The following RNF220 variants were observed in gnomAD, a reference collection of about 807,000 sequenced individuals.
RNF220 encodes ring finger protein 220.
RNF220 carries 7 observed loss-of-function variants against 67.1 expected under a neutral mutation model. The observed-to-expected ratio is 0.10, with a 90% confidence interval of 0.06 to 0.20. The LOEUF is 0.20. Ranked by LOEUF, RNF220 falls within the 10% of genes least tolerant of loss-of-function variation. RNF220 has a pLI of 1.00. For synonymous variants in RNF220, 270 were observed against 283.2 expected, an observed-to-expected ratio of 0.95 and a Z score of 0.47; for missense variants, 565 against 740.3, an observed-to-expected ratio of 0.76 and a Z score of 2.75.
At chr1:44,498,705 C>G (rs1458758907) in intron 2 of RNF220, among the ~76,000 whole-genome samples, 2 of 152,168 alleles carry the variant, frequency 1.3e-5, no homozygotes, top group African/African-American at 4.8e-5. Context: ...TTACTATCAT[C>G]AAGTCTTTCA....
intron 2 of RNF220, among the ~76,000 whole-genome samples, chr1:44,581,177 C>A (rs1017748267): frequency 2.6e-5 from 4 of 152,224 alleles, no homozygotes; most frequent in African/African-American, 7.2e-5. Context: ...GGACTCTGCA[C>A]CACACTCACA....
chr1:44,468,975 A>G (rs12061037), intron 2 of RNF220, among the ~76,000 whole-genome samples: 46,206 of 152,002 alleles, frequency 0.3, 7,195 homozygotes, highest in Middle Eastern at 0.38. Flanking sequence ...ATCAACAACA[A>G]ACTGGAAAAC....
intron 5 of RNF220, among the ~76,000 whole-genome samples, chr1:44,631,159 G>A (rs1185165227): frequency 6.6e-6 from 1 of 152,198 alleles, no homozygotes; most frequent in Non-Finnish European, 1.5e-5. Flanking sequence ...TTCACACACG[G>A]CCCCAACCCT....
chr1:44,424,159 A>G (rs571493971), intron 2 of RNF220: 68 of 271,080 alleles, frequency 2.5e-4, no homozygotes, highest in Middle Eastern at 3.6e-3. Context: ...TAAACTGTAT[A>G]TATGAAAAAG....
intron 3 of RNF220, 95 bp downstream of exon 3, chr1:44,614,392 C>T (rs1432009635): frequency 1.4e-6 from 2 of 1,414,738 alleles, no homozygotes; most frequent in Non-Finnish European, 9.6e-7. Flanking sequence ...CATACCCCAG[C>T]CCCTCGGGAA....
chr1:44,481,911 G>A (rs1655851485), intron 2 of RNF220, among the ~76,000 whole-genome samples: 1 of 152,204 alleles, frequency 6.6e-6, no homozygotes, highest in South Asian at 2.1e-4. Context: ...TTAGACTTCA[G>A]TCGTAAGAGG....
chr1:44,423,802 T>C, intron 2 of RNF220: 1 of 981,552 alleles, frequency 1.0e-6, no homozygotes. Context: ...TGGCAAAGTT[T>C]CCTCTGGGAG....
rs1643785936 is a variant in RNF220, at chr1:44,621,335, GAA to G, written c.759-1405_759-1404del. On this transcript the variant is annotated intron_variant, in intron 3 of 14. Transcript: ENST00000361799. This position sits in a 1 kb window ranked among gnomAD's most constrained non-coding sequence, Gnocchi z 4.8. ...ATCTGTGCCTGTTGGCAGAATTATAGAAAGTCTATGGGTATATATGTGTGCGC... is the reference window on the plus strand; with the variant it reads ...ATCTGTGCCTGTTGGCAGAATTATAGAGTCTATGGGTATATATGTGTGCGC... 6.6e-6 allele frequency among the ~76,000 whole-genome samples: 1 copy of G among 152,184 alleles called. No individual in the cohort carries two copies. Among genetic ancestry groups the G allele is most frequent in the Admixed American group, 6.5e-5 (1 of 15,286 alleles).
In RNF220 at chr1:44,624,681, G is replaced by A. The variant is rs1197218888; in HGVS notation, c.805-1616G>A. On this transcript the variant is annotated intron_variant, in intron 4 of 14. Transcript: ENST00000361799. The surrounding 1 kb of genome is among the most constrained non-coding windows in gnomAD (Gnocchi z 4.2). ...GACTGAAAGGACAGGGAGAAGGAGG[G>A]AGGGAGGAGGAGGAGAGGGCGAGGG... Among the ~76,000 whole-genome samples the A allele has an allele frequency of 1.3e-5, 2 of 152,196 alleles. No individual in the cohort carries two copies. The highest frequency in any genetic ancestry group is 1.3e-4 in the Admixed American group (2 of 15,286).
At chr1:44,623,754 G>A (rs1643873079) in intron 4 of RNF220, among the ~76,000 whole-genome samples, 1 of 152,208 alleles carries the variant, frequency 6.6e-6, no homozygotes. Context: ...GGTCCAGGAG[G>A]CAGGGAAGGA....
intron 8 of RNF220, 91 bp downstream of exon 8, chr1:44,636,253 G>C (rs929320044): frequency 2.0e-5 from 30 of 1,535,322 alleles, no homozygotes; most frequent in Non-Finnish European, 2.7e-5. Flanking sequence ...CGAGGCTGGT[G>C]GCTGGTCATC....
rs999460803 is a variant in RNF220 at position 44,606,171 on chromosome 1, G to A, written c.626-7994G>A. Among the ~76,000 whole-genome samples, 4 of 152,362 alleles carry A rather than the reference G, an allele frequency of 2.6e-5. No individual in the cohort carries two copies. In the South Asian group the frequency reaches 6.2e-4, roughly 24 times the overall value. On this transcript the variant is annotated intron_variant, in intron 2 of 14. Transcript: ENST00000361799. The surrounding 1 kb of genome is among the most constrained non-coding windows in gnomAD (Gnocchi z 4.2). ...GTATTACACGGATAATGTATTTGAC[G>A]TATTAATAAAACCAGCCGCATTGCT...
intron 2 of RNF220, among the ~76,000 whole-genome samples, chr1:44,446,248 A>C (rs1036926673): frequency 6.6e-6 from 1 of 152,226 alleles, no homozygotes; most frequent in Non-Finnish European, 1.5e-5. Flanking sequence ...AACAAACGTA[A>C]TGTTTTATGC....
At chr1:44,514,170 G>T (rs1659266945) in intron 2 of RNF220, among the ~76,000 whole-genome samples, 1 of 152,194 alleles carries the variant, frequency 6.6e-6, no homozygotes. Context: ...TTTGAGTGCA[G>T]GACCCTGTTT....
rs1192577593 is a variant in RNF220 at position 44,621,606 on chromosome 1, T to C, written c.759-1136T>C. On this transcript the variant is annotated intron_variant, in intron 3 of 14. Transcript: ENST00000361799. The surrounding 1 kb of genome is among the most constrained non-coding windows in gnomAD (Gnocchi z 4.8). ...TCCCCTGTCCCCCACTGAGAGTCAC[T>C]GCTGCATCTGAATCTGCCTGTGCTT... is the stretch of plus-strand genomic sequence containing the variant. Among the ~76,000 whole-genome samples, 1 of 152,196 alleles carries C rather than the reference T, an allele frequency of 6.6e-6. No individual in the cohort carries two copies. Among genetic ancestry groups the C allele is most frequent in the African/African-American group, 2.4e-5 (1 of 41,438 alleles).
At chr1:44,506,701 G>C (rs1369360899) in intron 2 of RNF220, among the ~76,000 whole-genome samples, 1 of 152,234 alleles carries the variant, frequency 6.6e-6, no homozygotes, top group Non-Finnish European at 1.5e-5. Context: ...CTTGGCCAAA[G>C]CACGAACACT....
intron 2 of RNF220, among the ~76,000 whole-genome samples, chr1:44,587,021 C>T (rs1003361398): frequency 2.6e-5 from 4 of 152,108 alleles, no homozygotes; most frequent in African/African-American, 9.7e-5. Flanking sequence ...CTCAACTGCC[C>T]TTGGATGGGC....
At chr1:44,639,064 TAA>T (rs1003305821) in intron 8 of RNF220, among the ~76,000 whole-genome samples, 1 of 152,186 alleles carries the variant, frequency 6.6e-6, no homozygotes, top group African/African-American at 2.4e-5. Context: ...AACATTCCAC[TAA>T]AAGAGATCCG....
intron 2 of RNF220, among the ~76,000 whole-genome samples, chr1:44,567,069 A>T (rs1399264093): frequency 6.6e-6 from 1 of 152,148 alleles, no homozygotes; most frequent in African/African-American, 2.4e-5. Flanking sequence ...CACTCCTTTA[A>T]TGCATCCGTA....
Sources: gnomAD v4.1 joint callset for allele counts (sites outside exome capture counted in the v4.1 genomes callset) on GRCh38, gnomAD v4.1.1 for gene constraint, Gnocchi (gnomAD v3.1) non-coding constraint, MANE v1.5 for transcripts, NCBI Gene and HGNC (gene_info 2026-07-23, HGNC 2026-07-21) for gene names.